Variants in TNS3 observed in about 807,000 individuals in gnomAD.
TNS3 encodes tensin 3.
TNS3 carries 45 observed loss-of-function variants against 140.9 expected under a neutral mutation model. That is an observed-to-expected ratio of 0.32 (90% CI 0.25 to 0.41). The LOEUF (loss-of-function observed/expected upper bound fraction) is 0.41. Among genes scored for constraint, TNS3 ranks in the 10% least tolerant of loss-of-function variants. TNS3 has a pLI of 1.00. For missense variants in TNS3, 1,716 were observed against 1,906.7 expected, an observed-to-expected ratio of 0.90 and a Z score of 1.86; for synonymous variants, 815 against 788.4, an observed-to-expected ratio of 1.03 and a Z score of -0.56.
intron 3 of TNS3, among the ~76,000 whole-genome samples, chr7:47,486,804 T>C (rs914455650): frequency 6.6e-6 from 1 of 152,270 alleles, no homozygotes; most frequent in Non-Finnish European, 1.5e-5. Flanking sequence ...AACAGCCATA[T>C]AGAAAGTGAC....
chr7:47,578,763 G>A (rs191520123), intron 1 of TNS3, among the ~76,000 whole-genome samples: 1 of 152,308 alleles, frequency 6.6e-6, no homozygotes, highest in East Asian at 1.9e-4. Context: ...ACGAAACTTG[G>A]AGAGTCTAGT....
rs1790929719 is a variant in TNS3, at chr7:47,369,526, T to C, written c.1120A>G (p.Ile374Val). Residue 374 changes from isoleucine (I) to valine (V), a missense_variant, in exon 17 of 31, where the codon ATC (isoleucine) becomes GTC (valine). Coordinates refer to ENST00000311160, the MANE Select transcript of TNS3 (RefSeq NM_022748.12). ...DPGIPGGPQA[I>V]PATNSPDHSD... is the part of the protein sequence containing the mutation. The stretch of plus-strand genomic sequence containing the variant: ...TGGTCTGGGCTGTTGGTGGCCGGGA[T>C]TGCCTGGGGGCCACCTGGGATGCCA... 1 of 1,613,944 alleles carries C rather than the reference T, an allele frequency of 6.2e-7. No homozygotes were observed. Among genetic ancestry groups the C allele is most frequent in the Non-Finnish European group, 8.5e-7 (1 of 1,179,928 alleles).
intron 4 of TNS3, among the ~76,000 whole-genome samples, chr7:47,475,905 A>C (rs2151763273): frequency 1.3e-5 from 2 of 152,216 alleles, no homozygotes; most frequent in Admixed American, 1.3e-4. Flanking sequence ...CACAGGAATC[A>C]TCTACTGTGT....
At chr7:47,457,115 G>C (rs865954722) in intron 4 of TNS3, among the ~76,000 whole-genome samples, 2 of 37,608 alleles carry the variant, frequency 5.3e-5, no homozygotes, top group African/African-American at 1.8e-4. Context: ...GTAAAGGGGA[G>C]GGGAGGGGAG....
chr7:47,331,356 C>T (rs112574732), intron 20 of TNS3, among the ~76,000 whole-genome samples: 2 of 152,124 alleles, frequency 1.3e-5, no homozygotes, highest in South Asian at 2.1e-4. Flanking sequence ...CACCCCAGGG[C>T]GAGCTCTACT....
At chr7:47,517,739 A>C (rs902488248) in intron 2 of TNS3, among the ~76,000 whole-genome samples, 2 of 152,230 alleles carry the variant, frequency 1.3e-5, no homozygotes, top group Admixed American at 6.5e-5. Context: ...CGTGGATTCA[A>C]TCAGGATGAC....
At chr7:47,366,159 T>C (rs1191897268) in intron 17 of TNS3, among the ~76,000 whole-genome samples, 1 of 152,218 alleles carries the variant, frequency 6.6e-6, no homozygotes, top group African/African-American at 2.4e-5. Flanking sequence ...GATAGTTTTT[T>C]CCCATTAGAG....
At chr7:47,339,218 A>G (rs1162152309) in intron 20 of TNS3, among the ~76,000 whole-genome samples, 1 of 152,180 alleles carries the variant, frequency 6.6e-6, no homozygotes, top group Non-Finnish European at 1.5e-5. Flanking sequence ...TATAAAGTCT[A>G]ATTTGTCAAC....
intron 1 of TNS3, among the ~76,000 whole-genome samples, chr7:47,576,433 A>G (rs539505657): frequency 6.6e-6 from 1 of 152,346 alleles, no homozygotes; most frequent in South Asian, 2.1e-4. Context: ...GACAAAGGAC[A>G]GTTCTGCCCC....
intron 20 of TNS3, among the ~76,000 whole-genome samples, chr7:47,322,538 A>G (rs554501086): frequency 7.1e-6 from 1 of 139,912 alleles, no homozygotes; most frequent in Non-Finnish European, 1.6e-5. Flanking sequence ...ACAAACAAAC[A>G]AACACACACA....
At chr7:47,467,781 G>C (rs147653036) in intron 4 of TNS3, among the ~76,000 whole-genome samples, 1 of 152,274 alleles carries the variant, frequency 6.6e-6, no homozygotes, top group East Asian at 1.9e-4. Context: ...CAGAAGGTTA[G>C]AAAACAAGGC....
At chr7:47,349,172 A>G (rs967463468) in intron 17 of TNS3, among the ~76,000 whole-genome samples, 3 of 152,262 alleles carry the variant, frequency 2.0e-5, no homozygotes, top group East Asian at 3.8e-4. Context: ...CCAAAGAATT[A>G]CAACGAAAAA....
At chr7:47,300,593 A>T (rs531353257) in intron 23 of TNS3, among the ~76,000 whole-genome samples, 40 of 152,312 alleles carry the variant, frequency 2.6e-4, no homozygotes, top group Non-Finnish European at 5.6e-4. Context: ...TCTGTTTCAG[A>T]TCCCCCCTGC....
intron 10 of TNS3, 69 bp from the exon 11 acceptor site, chr7:47,415,275 G>A (rs1794016609): frequency 9.1e-7 from 1 of 1,100,714 alleles, no homozygotes; most frequent in Non-Finnish European, 1.3e-6. Context: ...GGGAACTCAA[G>A]GAGAAACACA....
intron 10 of TNS3, among the ~76,000 whole-genome samples, chr7:47,415,422 A>G (rs1275226240): frequency 6.6e-6 from 1 of 152,194 alleles, no homozygotes; most frequent in African/African-American, 2.4e-5. Context: ...ACCAAGGCAC[A>G]ACCGGCCTCT....
intron 1 of TNS3, among the ~76,000 whole-genome samples, chr7:47,575,113 C>T (rs1321414783): frequency 6.6e-6 from 1 of 152,178 alleles, no homozygotes; most frequent in Non-Finnish European, 1.5e-5. Context: ...TGACTAGCTA[C>T]GATCTGCCCA....
intron 27 of TNS3, among the ~76,000 whole-genome samples, chr7:47,291,564 C>T (rs766684711): frequency 6.6e-6 from 1 of 152,132 alleles, no homozygotes; most frequent in Non-Finnish European, 1.5e-5. Flanking sequence ...TTGTATGTCT[C>T]ACTGGGGTTG....
chr7:47,374,757 T>C lies in TNS3; in HGVS notation c.1025-5136A>G, dbSNP rs563965437. ...GAGAGAATGCTACTGATAATATGGT[T>C]CTGGTTTGGAAAAGTGATGTAGAAA... On this transcript the variant is annotated intron_variant, in intron 16 of 30. Coordinates refer to ENST00000311160, the MANE Select transcript of TNS3 (RefSeq NM_022748.12). 1.7e-4 allele frequency among the ~76,000 whole-genome samples: 26 copies of C among 152,288 alleles called. No individual in the cohort carries two copies. In the South Asian group the frequency reaches 5.2e-3, roughly 30 times the overall value.
rs544109309 is a variant in TNS3 at position 47,342,789 on chromosome 7, A to T, written c.2650+1966T>A. On this transcript the variant is annotated intron_variant, in intron 20 of 30. Coordinates refer to ENST00000311160, the MANE Select transcript of TNS3 (RefSeq NM_022748.12). Reference sequence around the variant, plus strand: ...AAGGAAATCATAAAGATCAGGGGACACATTCTGTATGGGCGAGCTACCTCT... The same window carrying T: ...AAGGAAATCATAAAGATCAGGGGACTCATTCTGTATGGGCGAGCTACCTCT... Among the ~76,000 whole-genome samples the T allele has an allele frequency of 7.2e-5, 11 of 152,338 alleles. No individual in the cohort carries two copies. The South Asian group carries it at 2.3e-3, about 32-fold the overall frequency.
Sources: gnomAD v4.1 joint callset for allele counts (sites outside exome capture counted in the v4.1 genomes callset) on GRCh38, gnomAD v4.1.1 for gene constraint, MANE v1.5 for transcripts, NCBI Gene and HGNC (gene_info 2026-07-23, HGNC 2026-07-21) for gene names.